The following OPHN1 variants were observed in gnomAD, a reference collection of about 807,000 sequenced individuals.
The protein encoded by OPHN1 is oligophrenin 1, also known as oligophrenin-1.
Under a neutral mutation model 60.7 loss-of-function variants are expected in OPHN1, and 11 were observed. The observed-to-expected ratio is 0.18, with a 90% CI of 0.11 to 0.30. The LOEUF (loss-of-function observed/expected upper bound fraction) is 0.30, where lower values mean the gene tolerates loss of function less well. Among genes scored for constraint, OPHN1 ranks in the 10% least tolerant of loss-of-function variants. OPHN1 has a pLI of 1.00. For missense variants in OPHN1, 449 were observed against 611.0 expected, an observed-to-expected ratio of 0.73 and a Z score of 2.80; for synonymous variants, 226 against 222.6, an observed-to-expected ratio of 1.02 and a Z score of -0.14.
intron 15 of OPHN1, among the ~76,000 whole-genome samples, chrX:68,186,432 C>G (rs2077462697): frequency 9.3e-6 from 1 of 107,906 alleles, no homozygotes; most frequent in Admixed American, 1.0e-4. Flanking sequence ...GGCAGATCAC[C>G]TGAAACTGGC....
intron 2 of OPHN1, among the ~76,000 whole-genome samples, chrX:68,384,732 A>AAAG (rs202184380): frequency 1.8e-5 from 2 of 110,253 alleles, no homozygotes; most frequent in Non-Finnish European, 3.8e-5. Context: ...AAAAAAAAAA[A>AAAG]AAGAAGAAGA....
At chrX:68,148,573 G>A (rs962037345) in intron 15 of OPHN1, among the ~76,000 whole-genome samples, 1 of 110,588 alleles carries the variant, frequency 9.0e-6, no homozygotes, top group African/African-American at 3.3e-5. Context: ...AACAAGCTGA[G>A]ACGGCTGAGC....
chrX:68,093,744 A>G (rs962614922), intron 19 of OPHN1, among the ~76,000 whole-genome samples: 7 of 111,255 alleles, frequency 6.3e-5, no homozygotes, highest in Non-Finnish European at 1.1e-4. Context: ...TCTTTTGCCC[A>G]CTTTCTAATT....
intron 5 of OPHN1, among the ~76,000 whole-genome samples, chrX:68,250,687 G>A (rs1268259304): frequency 8.9e-6 from 1 of 112,107 alleles, no homozygotes; most frequent in Admixed American, 9.5e-5. Context: ...ACAGAAATAA[G>A]TAAGACTCCC....
chrX:68,189,438 C>G (rs192845105), intron 15 of OPHN1, among the ~76,000 whole-genome samples: 54 of 110,512 alleles, frequency 4.9e-4, no homozygotes, highest in South Asian at 3.1e-3. Flanking sequence ...CATGTGCCAT[C>G]TTGGTGTGCT....
chrX:68,319,608 C>T (rs778543228), intron 2 of OPHN1, among the ~76,000 whole-genome samples: 2 of 110,068 alleles, frequency 1.8e-5, no homozygotes, highest in South Asian at 7.9e-4. Flanking sequence ...TGGTGGCGCT[C>T]ACCTGTAGTC....
chrX:68,109,380 C>A (rs1467013701), intron 18 of OPHN1, among the ~76,000 whole-genome samples: 1 of 111,120 alleles, frequency 9.0e-6, no homozygotes, highest in Non-Finnish European at 1.9e-5. Flanking sequence ...GAATAATATT[C>A]CATTGCCTGT....
At chrX:68,184,975 T>C (rs2077456044) in intron 15 of OPHN1, among the ~76,000 whole-genome samples, 1 of 112,101 alleles carries the variant, frequency 8.9e-6, no homozygotes, top group Admixed American at 9.4e-5. Context: ...CAAGAAGAAA[T>C]AAAACATGCC....
intron 2 of OPHN1, among the ~76,000 whole-genome samples, chrX:68,334,877 G>A (rs1392863149): frequency 1.0e-4 from 11 of 109,996 alleles, no homozygotes; most frequent in African/African-American, 1.3e-4. Flanking sequence ...TTGGGAGGCT[G>A]AGGCAGGAGG....
intron 5 of OPHN1, among the ~76,000 whole-genome samples, chrX:68,254,043 A>C (rs1358302598): frequency 9.0e-6 from 1 of 111,456 alleles, no homozygotes; most frequent in Non-Finnish European, 1.9e-5. Context: ...GTAAACATCT[A>C]TTACATGTTT....
chrX:68,216,852 T>A lies in OPHN1; in HGVS notation c.487-2880A>T, dbSNP rs187005165. ...TGAACAGACATTTTTCAAAAGAAGATGCACAAATGGCCAATAACATGAAAA... is the reference window on the plus strand; with the variant it reads ...TGAACAGACATTTTTCAAAAGAAGAAGCACAAATGGCCAATAACATGAAAA... On this transcript the variant is annotated intron_variant, in intron 6 of 24. Transcript: ENST00000355520. Among the ~76,000 whole-genome samples, 3 of 111,922 alleles carry A rather than the reference T, an allele frequency of 2.7e-5. No individual in the cohort carries two copies. The East Asian group carries it at 8.5e-4, about 32-fold the overall frequency.
rs1422220453 is a variant in OPHN1 at position 68,105,313 on chromosome X, AC to A, written c.1526+6540del. 3.6e-4 allele frequency among the ~76,000 whole-genome samples: 40 copies of A among 111,040 alleles called. 1 individual carries two copies. The highest frequency in any genetic ancestry group is 1.2e-3 in the African/African-American group (38 of 30,475). On this transcript the variant is annotated intron_variant, in intron 18 of 24. Transcript: ENST00000355520. ...CTGGTAATCTCATTACTGAGTATAT[AC>A]CCAAAGGATTATACATCATTCTACT...
intron 2 of OPHN1, among the ~76,000 whole-genome samples, chrX:68,371,097 G>T (rs1244284841): frequency 9.0e-6 from 1 of 111,176 alleles, no homozygotes; most frequent in East Asian, 2.8e-4. Context: ...TAAAAAGCAG[G>T]ATCTAACTAC....
intron 2 of OPHN1, among the ~76,000 whole-genome samples, chrX:68,423,240 T>A (rs1477196954): frequency 9.0e-6 from 1 of 110,953 alleles, no homozygotes; most frequent in South Asian, 3.8e-4. Context: ...TTAGCCAGGA[T>A]GGTCTCTATC....
intron 2 of OPHN1, among the ~76,000 whole-genome samples, chrX:68,397,128 A>G (rs1308744971): frequency 1.8e-5 from 2 of 112,471 alleles, no homozygotes; most frequent in Non-Finnish European, 3.8e-5. Flanking sequence ...AGCACAGTTC[A>G]CCCAGATTTC....
At chrX:68,387,303 G>A (rs949989794) in intron 2 of OPHN1, among the ~76,000 whole-genome samples, 6 of 108,195 alleles carry the variant, frequency 5.5e-5, no homozygotes, top group Non-Finnish European at 7.6e-5. Context: ...ATCCCTACGC[G>A]TTTCTCACCA....
intron 15 of OPHN1, among the ~76,000 whole-genome samples, chrX:68,141,463 A>T (rs2077242347): frequency 8.9e-6 from 1 of 111,962 alleles, no homozygotes; most frequent in African/African-American, 3.2e-5. Context: ...CTTAGAATCA[A>T]TGAAATGTGA....
chrX:68,273,164 A>ATGAG (rs1407987903), intron 5 of OPHN1, among the ~76,000 whole-genome samples: 1 of 111,750 alleles, frequency 8.9e-6, no homozygotes, highest in East Asian at 2.8e-4. Flanking sequence ...TAATACCAGC[A>ATGAG]CTTTGGGAGG....
intron 24 of OPHN1, 110 bp downstream of exon 24, chrX:68,048,306 G>A (rs1010156022): frequency 2.4e-5 from 16 of 669,843 alleles, no homozygotes; most frequent in Admixed American, 1.0e-4. Flanking sequence ...GCGTAGAAGT[G>A]AGTTCCCACC....
Sources: allele counts gnomAD v4.1 joint callset (sites outside exome capture counted in the v4.1 genomes callset), GRCh38; gene constraint gnomAD v4.1.1; transcripts MANE v1.5; gene names NCBI Gene and HGNC (gene_info 2026-07-23, HGNC 2026-07-21).